SENP7: variants seen among roughly 807,000 people sequenced by gnomAD.
The protein encoded by SENP7 is SUMO specific peptidase 7.
SENP7 carries 64 observed loss-of-function variants against 141.2 expected under a neutral mutation model. The observed-to-expected ratio is 0.45, with a 90% confidence interval of 0.37 to 0.56. The LOEUF (loss-of-function observed/expected upper bound fraction) is 0.56, where lower values mean the gene tolerates loss of function less well. Ranked by LOEUF, SENP7 falls within the 20% of genes least tolerant of loss-of-function variation. The pLI, the probability that SENP7 is intolerant of heterozygous loss-of-function variation, is 0.00. For synonymous variants in SENP7, 382 were observed against 426.4 expected (o/e 0.90, Z 1.28); for missense variants, 1,025 against 1,212.2 (o/e 0.85, Z 2.29).
At chr3:101,393,250 G>A (rs547094893) in intron 6 of SENP7, among the ~76,000 whole-genome samples, 1 of 152,046 alleles carries the variant, frequency 6.6e-6, no homozygotes, top group East Asian at 1.9e-4. Context: ...TCCAAAACAG[G>A]GGAATAACTA....
chr3:101,449,193 T>C (rs1308403468), intron 4 of SENP7, among the ~76,000 whole-genome samples: 1 of 152,072 alleles, frequency 6.6e-6, no homozygotes, highest in East Asian at 1.9e-4. Flanking sequence ...AAGAAACGAA[T>C]AAAGCCTCCA....
At chr3:101,413,200 T>C (rs893997814) in intron 5 of SENP7, among the ~76,000 whole-genome samples, 10 of 152,144 alleles carry the variant, frequency 6.6e-5, no homozygotes, top group Non-Finnish European at 2.9e-5. Flanking sequence ...TTTCTAAAAT[T>C]TTAAGTCCTG....
rs549472329 is a variant in SENP7 at position 101,365,295 on chromosome 3, A to C, written c.1319-304T>G. ...TGGGATTATAGGTGTGGGTCACTGC[A>C]CCCAGACGAAAAATGTATTTTAAAT... On this transcript the variant is annotated intron_variant, in intron 9 of 23. Coordinates refer to ENST00000394095, the MANE Select transcript of SENP7 (RefSeq NM_020654.5). Among the ~76,000 whole-genome samples the C allele has an allele frequency of 2.0e-5, 3 of 151,872 alleles. No individual in the cohort carries two copies. The East Asian group carries it at 5.9e-4, about 30-fold the overall frequency.
chr3:101,460,554 A>G (rs2063512780), intron 3 of SENP7, among the ~76,000 whole-genome samples: 1 of 152,182 alleles, frequency 6.6e-6, no homozygotes. Flanking sequence ...TCAAATGGAG[A>G]GAAGACCTAA....
At chr3:101,501,856 T>G (rs946816585) in intron 1 of SENP7, among the ~76,000 whole-genome samples, 9 of 152,190 alleles carry the variant, frequency 5.9e-5, no homozygotes, top group African/African-American at 2.2e-4. Flanking sequence ...GTCAGCTGCT[T>G]ATGACAAATG....
chr3:101,436,158 GAACA>G (rs541501450), intron 4 of SENP7, among the ~76,000 whole-genome samples: 101 of 152,158 alleles, frequency 6.6e-4, no homozygotes, highest in African/African-American at 2.3e-3. Flanking sequence ...CAGGTGCCAA[GAACA>G]TACACTGATG....
chr3:101,395,130 T>C (rs1445814186), intron 6 of SENP7, among the ~76,000 whole-genome samples: 1 of 152,206 alleles, frequency 6.6e-6, no homozygotes, highest in Non-Finnish European at 1.5e-5. Context: ...GTTGGCTCCT[T>C]AGCTGTGCAG....
Position 101,377,492 on chromosome 3 carries a change from G to A in SENP7, c.678-5366C>T, listed in dbSNP as rs564427409. 8.5e-5 allele frequency among the ~76,000 whole-genome samples: 13 copies of A among 152,244 alleles called. No individual in the cohort carries two copies. The South Asian group carries it at 2.5e-3, about 29-fold the overall frequency. On this transcript the variant is annotated intron_variant, in intron 6 of 23. Coordinates refer to ENST00000394095, the MANE Select transcript of SENP7 (RefSeq NM_020654.5). ...ATCCCAGAGGACTTAGTCATAAAGG[G>A]GGTCGCACACTTTTGTGAGTTTTAT... is the stretch of plus-strand genomic sequence containing the variant.
At chr3:101,497,892 C>A (rs892721444) in intron 2 of SENP7, among the ~76,000 whole-genome samples, 10 of 152,206 alleles carry the variant, frequency 6.6e-5, no homozygotes, top group Admixed American at 5.9e-4. Context: ...AGCCTCAACT[C>A]CCCTGGCTCA....
At position 101,325,152 on chromosome 3, in the gene SENP7, G is replaced by A. The variant is rs1247906449; in HGVS notation, c.*791C>T. The A allele has an allele frequency of 6.6e-6, 1 of 151,970 alleles. No individual in the cohort carries two copies. The highest frequency in any genetic ancestry group is 1.5e-5 in the Non-Finnish European group (1 of 67,972). 9.4% of individuals were successfully genotyped at this position (151,970 alleles called of 1,614,324 possible). A position where few individuals can be genotyped will look rare whatever the true frequency, so the allele number is the denominator to read the frequency against. ...ATACATAAATTCCGTGATAATGTGAGTGAATATTTATATAGCAGTACCTCA... is the reference window on the plus strand; with the variant it reads ...ATACATAAATTCCGTGATAATGTGAATGAATATTTATATAGCAGTACCTCA... On this transcript the variant is annotated 3_prime_UTR_variant, in exon 24 of 24. Coordinates refer to ENST00000394095, the MANE Select transcript of SENP7 (RefSeq NM_020654.5).
intron 3 of SENP7, among the ~76,000 whole-genome samples, chr3:101,474,909 A>G (rs576599838): frequency 6.6e-6 from 1 of 152,316 alleles, no homozygotes; most frequent in Non-Finnish European, 1.5e-5. Context: ...AAACTCCACA[A>G]TTAGAAGATT....
intron 6 of SENP7, among the ~76,000 whole-genome samples, chr3:101,380,442 C>CA (rs912899502): frequency 6.6e-5 from 7 of 106,312 alleles, no homozygotes; most frequent in Admixed American, 2.4e-4. Flanking sequence ...ACCGCCCCCC[C>CA]CCCCACACAC....
At chr3:101,380,434 CG>C (rs1477980040) in intron 6 of SENP7, among the ~76,000 whole-genome samples, 3 of 22,862 alleles carry the variant, frequency 1.3e-4, no homozygotes, top group Non-Finnish European at 1.6e-4. Context: ...AGCAAACCAC[CG>C]CCCCCCCCCC....
intron 6 of SENP7, among the ~76,000 whole-genome samples, chr3:101,387,229 C>A (rs2060682877): frequency 6.6e-6 from 1 of 152,114 alleles, no homozygotes; most frequent in Non-Finnish European, 1.5e-5. Flanking sequence ...ATGTGCTGTC[C>A]AGGGATTAAA....
intron 3 of SENP7, among the ~76,000 whole-genome samples, chr3:101,472,460 T>A (rs1276433436): frequency 6.6e-6 from 1 of 152,070 alleles, no homozygotes; most frequent in African/African-American, 2.4e-5. Context: ...ATGAGATCAC[T>A]TGGACACAGG....
intron 15 of SENP7, 195 bp from the exon 16 acceptor site, chr3:101,340,406 G>A (rs1559688976): frequency 1.8e-5 from 11 of 614,282 alleles, no homozygotes; most frequent in Non-Finnish European, 2.1e-5. Context: ...CTCCGATTGA[G>A]TATTATCTTT....
At chr3:101,471,760 C>G (rs2064003988) in intron 3 of SENP7, among the ~76,000 whole-genome samples, 2 of 152,060 alleles carry the variant, frequency 1.3e-5, no homozygotes, top group African/African-American at 2.4e-5. Context: ...CCATCTGACA[C>G]AGGGCTAATA....
intron 11 of SENP7, chr3:101,357,731 A>T: frequency 1.5e-6 from 1 of 664,884 alleles, no homozygotes. Context: ...AAAGTCAAAC[A>T]GACATAAGAC....
chr3:101,427,398 G>C (rs527266327), intron 4 of SENP7, among the ~76,000 whole-genome samples: 2 of 149,898 alleles, frequency 1.3e-5, no homozygotes, highest in Non-Finnish European at 2.9e-5. Context: ...GCTAAAGCAC[G>C]AGAATTGCTT....
Sources: gnomAD v4.1 joint callset for allele counts (sites outside exome capture counted in the v4.1 genomes callset) on GRCh38, gnomAD v4.1.1 for gene constraint, MANE v1.5 for transcripts, NCBI Gene and HGNC (gene_info 2026-07-23, HGNC 2026-07-21) for gene names.